The following IGSF10 variants were observed in gnomAD, a reference collection of about 807,000 sequenced individuals.
IGSF10 encodes the protein calvaria mechanical force protein 608.
In IGSF10, 126 loss-of-function variants were observed where a neutral mutation model predicts 128.2. That is an observed-to-expected ratio of 0.98 (90% CI 0.85 to 1.14). IGSF10 has a LOEUF of 1.14. Among genes scored for constraint, IGSF10 ranks in the 50% most tolerant of loss-of-function variants. IGSF10 has a pLI of 0.00. For missense variants in IGSF10, 3,295 were observed against 3,149.8 expected, an observed-to-expected ratio of 1.05 and a Z score of -1.10; for synonymous variants, 1,185 against 1,146.2, an observed-to-expected ratio of 1.03 and a Z score of -0.68.
the IGSF10 span, among the ~76,000 whole-genome samples, chr3:151,530,254 G>T: frequency 6.6e-6 from 1 of 152,096 alleles, no homozygotes; most frequent in African/African-American, 2.4e-5. Flanking sequence ...TCACCTAAAA[G>T]AGACGGGGAG....
chr3:151,569,305 T>C, the IGSF10 span, among the ~76,000 whole-genome samples: 68 of 152,236 alleles, frequency 4.5e-4, no homozygotes, highest in African/African-American at 1.6e-3. Flanking sequence ...CCCCTGATCT[T>C]AAGAGATCCA....
the IGSF10 span, among the ~76,000 whole-genome samples, chr3:151,612,232 C>A: frequency 6.6e-6 from 1 of 152,088 alleles, no homozygotes; most frequent in Non-Finnish European, 1.5e-5. Flanking sequence ...CTCAGTACAC[C>A]AAGAAAACTC....
At chr3:151,584,303 C>T in the IGSF10 span, among the ~76,000 whole-genome samples, 5 of 152,190 alleles carry the variant, frequency 3.3e-5, no homozygotes, top group African/African-American at 7.2e-5. Context: ...TACATCTTTC[C>T]GTACCCTTTT....
chr3:151,519,017 C>G, the IGSF10 span, among the ~76,000 whole-genome samples: 1 of 151,866 alleles, frequency 6.6e-6, no homozygotes, highest in Non-Finnish European at 1.5e-5. Flanking sequence ...ACACTTAAAA[C>G]TAGCAGAATA....
At chr3:151,619,757 A>G in the IGSF10 span, among the ~76,000 whole-genome samples, 1 of 152,154 alleles carries the variant, frequency 6.6e-6, no homozygotes, top group African/African-American at 2.4e-5. Flanking sequence ...CTCTGCCCTC[A>G]TGAATTTATT....
At chr3:151,477,418 A>G in the IGSF10 span, among the ~76,000 whole-genome samples, 128,753 of 152,166 alleles carry the variant, frequency 0.85, 54,695 homozygotes, top group Middle Eastern at 0.92. Flanking sequence ...ATAAATGGGG[A>G]AGTTTCTTAG....
At chr3:151,507,774 C>A in the IGSF10 span, among the ~76,000 whole-genome samples, 2 of 152,134 alleles carry the variant, frequency 1.3e-5, no homozygotes, top group Non-Finnish European at 2.9e-5. Flanking sequence ...ATTATAGGAA[C>A]TAAAATTCAA....
chr3:151,463,623 C>T (rs577405539), upstream of IGSF10, among the ~76,000 whole-genome samples: 31 of 135,440 alleles, frequency 2.3e-4, no homozygotes, highest in South Asian at 7.4e-3. Context: ...CTCGGCTCAC[C>T]ACAACCTCCA....
At chr3:151,542,648 A>G in the IGSF10 span, among the ~76,000 whole-genome samples, 1 of 147,228 alleles carries the variant, frequency 6.8e-6, no homozygotes, top group African/African-American at 2.4e-5. Flanking sequence ...TGTTTTTAGT[A>G]AGAAATGTTT....
the IGSF10 span, among the ~76,000 whole-genome samples, chr3:151,479,103 G>A: frequency 1.2e-4 from 18 of 152,282 alleles, no homozygotes; most frequent in African/African-American, 3.6e-4. Context: ...TTCAAATCCT[G>A]TAGTCTAGGT....
chr3:151,496,661 C>T, the IGSF10 span, among the ~76,000 whole-genome samples: 2 of 150,476 alleles, frequency 1.3e-5, no homozygotes, highest in Non-Finnish European at 3.0e-5. Context: ...GTCTTTATAG[C>T]AGCATGATTT....
chr3:151,570,725 G>A, the IGSF10 span, among the ~76,000 whole-genome samples: 1 of 152,186 alleles, frequency 6.6e-6, no homozygotes, highest in Non-Finnish European at 1.5e-5. Context: ...CTGTGCAGAA[G>A]CTCTTTAGTT....
intron 7 of IGSF10, chr3:151,440,478 G>A: frequency 2.2e-6 from 1 of 448,558 alleles, no homozygotes; most frequent in Admixed American, 2.4e-5. Context: ...TAAAGGAAGG[G>A]AAACTGCCAG....
At chr3:151,494,323 T>TTTTC in the IGSF10 span, among the ~76,000 whole-genome samples, 4 of 151,918 alleles carry the variant, frequency 2.6e-5, no homozygotes, top group Non-Finnish European at 5.9e-5. Context: ...ATAACTAGAA[T>TTTTC]TTTCTATTAA....
the IGSF10 span, among the ~76,000 whole-genome samples, chr3:151,492,971 A>G: frequency 7.3e-6 from 1 of 137,242 alleles, no homozygotes; most frequent in South Asian, 2.3e-4. Context: ...GTTTATAAAG[A>G]AATATTAATC....
the IGSF10 span, among the ~76,000 whole-genome samples, chr3:151,521,833 C>T: frequency 6.6e-6 from 1 of 151,898 alleles, no homozygotes; most frequent in South Asian, 2.1e-4. Flanking sequence ...CCAAAGCTAG[C>T]AGAAGACAAG....
At chr3:151,547,165 A>C in the IGSF10 span, among the ~76,000 whole-genome samples, 2 of 152,122 alleles carry the variant, frequency 1.3e-5, no homozygotes, top group African/African-American at 4.8e-5. Context: ...ACCATGAAAA[A>C]TAAGGATTTA....
chr3:151,463,869 A>G (rs1213166624), upstream of IGSF10, among the ~76,000 whole-genome samples: 1 of 152,148 alleles, frequency 6.6e-6, no homozygotes, highest in African/African-American at 2.4e-5. Flanking sequence ...TCCTGCTTCT[A>G]TTTATAAAAT....
chr3:151,602,590 C>A, the IGSF10 span, among the ~76,000 whole-genome samples: 1 of 152,014 alleles, frequency 6.6e-6, no homozygotes, highest in Non-Finnish European at 1.5e-5. Context: ...TTTTTGATCT[C>A]CTTTCTCTCC....
Sources: allele counts gnomAD v4.1 joint callset (sites outside exome capture counted in the v4.1 genomes callset), GRCh38; gene constraint gnomAD v4.1.1; transcripts MANE v1.5; gene names NCBI Gene and HGNC (gene_info 2026-07-23, HGNC 2026-07-21).